The following ABCD2 variants were observed in gnomAD, a reference collection of about 807,000 sequenced individuals.
ABCD2 encodes ATP binding cassette subfamily D member 2.
In ABCD2, 36 loss-of-function variants were observed where a neutral mutation model predicts 70.9. The observed-to-expected ratio is 0.51, with a 90% CI of 0.39 to 0.67. The LOEUF is 0.67. Ranked by LOEUF, ABCD2 falls within the 30% of genes least tolerant of loss-of-function variation. The probability of loss-of-function intolerance (pLI) is 0.00; values close to 1 mark genes in which losing one functional copy is unlikely to be tolerated. For missense variants in ABCD2, 729 were observed against 890.2 expected, an observed-to-expected ratio of 0.82 and a Z score of 2.30; for synonymous variants, 304 against 306.9, an observed-to-expected ratio of 0.99 and a Z score of 0.10.
At position 39,602,256 on chromosome 12, in the gene ABCD2, G is replaced by A. The variant is rs548215998; in HGVS notation, c.1501-1540C>T. Among the ~76,000 whole-genome samples the A allele has an allele frequency of 7.3e-5, 11 of 151,672 alleles. No individual in the cohort carries two copies. The South Asian group carries it at 2.1e-3, about 29-fold the overall frequency. ...CAACCTCTGCTTCCTGGGTTCAAGC[G>A]ATTCTTGTGCCTCAGACTCCCGAGT... On this transcript the variant is annotated intron_variant, in intron 5 of 9. Transcript: ENST00000308666.
the ABCD2 span, among the ~76,000 whole-genome samples, chr12:39,536,677 C>A: frequency 6.6e-6 from 1 of 152,186 alleles, no homozygotes; most frequent in South Asian, 2.1e-4. Flanking sequence ...GAATCGTATA[C>A]AAGAAACTTA....
chr12:39,600,381 G>C (rs1310697149), intron 6 of ABCD2, among the ~76,000 whole-genome samples, 190 bp downstream of exon 6: 1 of 151,932 alleles, frequency 6.6e-6, no homozygotes, highest in Non-Finnish European at 1.5e-5. Context: ...GAAAAAAAGT[G>C]GTATTGTCCT....
At chr12:39,572,120 G>A (rs73096528) in intron 9 of ABCD2, among the ~76,000 whole-genome samples, 1,664 of 152,276 alleles carry the variant, frequency 0.011, 36 homozygotes, top group African/African-American at 0.036. Flanking sequence ...TACTTAAAAA[G>A]AATATTTGTT....
At chr12:39,583,916 TA>T in intron 7 of ABCD2, among the ~76,000 whole-genome samples, 1 of 152,322 alleles carries the variant, frequency 6.6e-6, no homozygotes, top group Non-Finnish European at 1.5e-5. Flanking sequence ...TTTCTTTATC[TA>T]ATCTGTCATT....
intron 2 of ABCD2, 38 bp from the exon 3 acceptor site, chr12:39,607,752 T>A (rs562907173): frequency 1.5e-6 from 2 of 1,340,572 alleles, no homozygotes; most frequent in Non-Finnish European, 2.1e-6. Context: ...TGAGTTTTTT[T>A]TTTTTTTTTT....
intron 6 of ABCD2, among the ~76,000 whole-genome samples, chr12:39,593,529 G>A (rs1309711734): frequency 6.6e-6 from 1 of 152,184 alleles, no homozygotes; most frequent in Non-Finnish European, 1.5e-5. Flanking sequence ...TGGGATTACA[G>A]TCATGAGCCA....
At chr12:39,534,786 GAAAGAAAGAAAGAA>G in the ABCD2 span, among the ~76,000 whole-genome samples, 1 of 138,156 alleles carries the variant, frequency 7.2e-6, no homozygotes, top group African/African-American at 2.7e-5. Flanking sequence ...AAGAAAGAAA[GAAAGAAAGAAAGAA>G]AGAAAGAAAA....
At chr12:39,576,052 T>A (rs1297824554) in intron 8 of ABCD2, among the ~76,000 whole-genome samples, 1 of 152,236 alleles carries the variant, frequency 6.6e-6, no homozygotes, top group Non-Finnish European at 1.5e-5. Context: ...ATTACATTTC[T>A]ATGCTGGTGA....
chr12:39,560,025 T>C (rs1591966208), intron 9 of ABCD2, among the ~76,000 whole-genome samples: 1 of 152,188 alleles, frequency 6.6e-6, no homozygotes, highest in South Asian at 2.1e-4. Context: ...CTTTTTTTTA[T>C]TATACTTTAA....
At chr12:39,533,063 G>A in the ABCD2 span, among the ~76,000 whole-genome samples, 2 of 152,036 alleles carry the variant, frequency 1.3e-5, no homozygotes, top group Non-Finnish European at 2.9e-5. Context: ...TACTCAGGAG[G>A]CTGAGGCAGG....
chr12:39,562,490 AT>A (rs1268234034), intron 9 of ABCD2, among the ~76,000 whole-genome samples: 1 of 152,104 alleles, frequency 6.6e-6, no homozygotes, highest in Non-Finnish European at 1.5e-5. Context: ...AAATTCAGAG[AT>A]TAAAAAAGAG....
At chr12:39,568,257 G>A (rs1941389049) in intron 9 of ABCD2, among the ~76,000 whole-genome samples, 1 of 152,146 alleles carries the variant, frequency 6.6e-6, no homozygotes, top group Non-Finnish European at 1.5e-5. Context: ...TCACTTTCAG[G>A]TACACCAATC....
intron 9 of ABCD2, among the ~76,000 whole-genome samples, chr12:39,571,214 A>G (rs1941444070): frequency 6.6e-6 from 1 of 152,108 alleles, no homozygotes; most frequent in African/African-American, 2.4e-5. Context: ...GCAATCCCCC[A>G]CTGGGAATAT....
Position 39,551,757 on chromosome 12 carries a change from A to G in ABCD2, c.*2155T>C, listed in dbSNP as rs1215589143. On this transcript the variant is annotated 3_prime_UTR_variant, in exon 10 of 10. Coordinates refer to ENST00000308666, the MANE Select transcript of ABCD2 (RefSeq NM_005164.4). Reference sequence around the variant, plus strand: ...AGCTCATGGGTAAAATATATTAAATACTGACTAATTACAAATCTAATATTT... The same window carrying G: ...AGCTCATGGGTAAAATATATTAAATGCTGACTAATTACAAATCTAATATTT... 6.6e-6 allele frequency: 1 copy of G among 151,842 alleles called. No homozygotes were observed. Among genetic ancestry groups the G allele is most frequent in the Non-Finnish European group, 1.5e-5 (1 of 67,752 alleles). 9.4% of individuals were successfully genotyped at this position (151,842 alleles called of 1,614,324 possible).
At chr12:39,612,317 T>C (rs1399568794) in intron 2 of ABCD2, among the ~76,000 whole-genome samples, 1 of 152,172 alleles carries the variant, frequency 6.6e-6, no homozygotes, top group East Asian at 1.9e-4. Flanking sequence ...GCAAACTGGA[T>C]ACAATCTAAT....
At position 39,619,391 on chromosome 12, in the gene ABCD2, T is replaced by C. The variant is rs1195787886; in HGVS notation, c.225A>G (p.Lys75=). 1.2e-6 allele frequency: 2 copies of C among 1,613,962 alleles called. No homozygotes were observed. The highest frequency in any genetic ancestry group is 1.7e-6 in the Non-Finnish European group (2 of 1,179,978). Reference sequence around the variant, plus strand: ...AATCTGCATTCACTCCAGGCGAAGGTTTTTCACAAATGGTCTCGGTGCAAT... The same window carrying C: ...AATCTGCATTCACTCCAGGCGAAGGCTTTTCACAAATGGTCTCGGTGCAAT... The part of the protein sequence containing the change: ...ILHCTETICE[K]PSPGVNADFF... The change falls in exon 1 of 10, where the codon AAA becomes AAG. Residue 75 remains lysine, a synonymous_variant. Coordinates refer to ENST00000308666, the MANE Select transcript of ABCD2 (RefSeq NM_005164.4).
intron 9 of ABCD2, among the ~76,000 whole-genome samples, chr12:39,568,294 G>T (rs947604879): frequency 1.3e-5 from 2 of 152,146 alleles, no homozygotes; most frequent in Non-Finnish European, 2.9e-5. Flanking sequence ...TTTTCACATA[G>T]TCCCATATTT....
the ABCD2 span, among the ~76,000 whole-genome samples, chr12:39,538,055 G>C: frequency 4.6e-5 from 7 of 152,092 alleles, no homozygotes; most frequent in African/African-American, 1.7e-4. Flanking sequence ...ATACTAAGTA[G>C]CCAATGGAAA....
At position 39,619,444 on chromosome 12, in the gene ABCD2, G is replaced by A. The variant is rs1227065556; in HGVS notation, c.172C>T (p.Pro58Ser). The A allele has an allele frequency of 1.2e-6, 2 of 1,613,952 alleles. No individual in the cohort carries two copies. The highest frequency in any genetic ancestry group is 1.7e-5 in the Admixed American group (1 of 60,002). ...GHGKKKAAAY[P>S]AAENTEILHC... Reference sequence around the variant, plus strand: ...AGTATTTCTGTGTTCTCTGCAGCAGGGTAAGCTGCTGCTTTTTTCTTCCCG... The same window carrying A: ...AGTATTTCTGTGTTCTCTGCAGCAGAGTAAGCTGCTGCTTTTTTCTTCCCG... The change falls in exon 1 of 10, where the codon CCT (proline) becomes TCT (serine). Residue 58 changes from proline to serine, a missense_variant. Physicochemically the swap from Pro to Ser is moderately conservative, Grantham distance 74. This residue lies in a region of ABCD2 where 245 missense variants were observed against 261.2 expected (regional missense o/e 0.94). Coordinates refer to ENST00000308666, the MANE Select transcript of ABCD2 (RefSeq NM_005164.4).
Sources: gnomAD v4.1 joint callset for allele counts (sites outside exome capture counted in the v4.1 genomes callset) on GRCh38, gnomAD v4.1.1 for gene constraint, gnomAD v4.1.1 regional missense constraint, MANE v1.5 for transcripts, NCBI Gene and HGNC (gene_info 2026-07-23, HGNC 2026-07-21) for gene names.